Variants in ALG9 observed in about 807,000 individuals in gnomAD.
ALG9 encodes alpha-1,2-mannosyltransferase ALG9.
ALG9 carries 55 observed loss-of-function variants against 81.8 expected under a neutral mutation model. That is an observed-to-expected ratio of 0.67 (90% CI 0.54 to 0.84). The LOEUF is 0.84. Among genes scored for constraint, ALG9 ranks in the 40% least tolerant of loss-of-function variants. ALG9 has a pLI of 0.00. For missense variants in ALG9, 629 were observed against 745.0 expected (o/e 0.84, Z 1.81); for synonymous variants, 278 against 274.3 (o/e 1.01, Z -0.13).
At chr11:111,793,789 G>A (rs1445666992) in intron 14 of ALG9, among the ~76,000 whole-genome samples, 2 of 150,942 alleles carry the variant, frequency 1.3e-5, no homozygotes, top group East Asian at 3.9e-4. Flanking sequence ...GGAAAGAGCA[G>A]TTGTGCACTG....
intron 13 of ALG9, among the ~76,000 whole-genome samples, chr11:111,825,094 T>C (rs181654021): frequency 0.013 from 2,048 of 152,308 alleles, 21 homozygotes; most frequent in Non-Finnish European, 0.021. Context: ...CAGGTGCTTG[T>C]AACCTGGTAC....
At chr11:111,789,619 G>GGTC (rs1555068561) in intron 14 of ALG9, among the ~76,000 whole-genome samples, 1 of 151,690 alleles carries the variant, frequency 6.6e-6, no homozygotes, top group African/African-American at 2.4e-5. Context: ...AGGCCACCGA[G>GGTC]GTCAGGAGTT....
intron 8 of ALG9, among the ~76,000 whole-genome samples, chr11:111,850,059 C>G (rs1165301848): frequency 2.0e-5 from 3 of 152,046 alleles, no homozygotes; most frequent in Non-Finnish European, 4.4e-5. Flanking sequence ...TAGTAAAATA[C>G]AAGTCTTTTA....
At chr11:111,818,261 A>G (rs1355839449) in intron 13 of ALG9, among the ~76,000 whole-genome samples, 3 of 152,236 alleles carry the variant, frequency 2.0e-5, no homozygotes, top group Non-Finnish European at 4.4e-5. Context: ...CGAGGGAGAC[A>G]GGTTTTGAGA....
chr11:111,863,619 T>A (rs1961157090), intron 4 of ALG9, among the ~76,000 whole-genome samples: 1 of 152,198 alleles, frequency 6.6e-6, no homozygotes, highest in African/African-American at 2.4e-5. Context: ...AATATATTAC[T>A]AAAGCATTAT....
intron 8 of ALG9, among the ~76,000 whole-genome samples, chr11:111,850,606 C>T (rs1042211174): frequency 1.6e-4 from 24 of 147,152 alleles, no homozygotes; most frequent in African/African-American, 3.0e-4. Context: ...ACTAGGGAGG[C>T]TGAGGCAGGC....
chr11:111,816,717 T>C (rs1951535576), intron 13 of ALG9, among the ~76,000 whole-genome samples: 2 of 152,172 alleles, frequency 1.3e-5, no homozygotes, highest in African/African-American at 4.8e-5. Context: ...CCACCATGCC[T>C]GGCTAATTTT....
At position 111,783,937 on chromosome 11, in the gene ALG9, AAAC is replaced by A. The variant is rs1946196869; in HGVS notation, c.*2457_*2459del. Reference sequence around the variant, plus strand: ...GTTTTGTTTTTTTAAAAAAAAAAAAAAACAAGATGACAAAACAGATAAAACAGC... The same window carrying A: ...GTTTTGTTTTTTTAAAAAAAAAAAAAAAGATGACAAAACAGATAAAACAGC... On this transcript the variant is annotated 3_prime_UTR_variant, in exon 15 of 15. Transcript: ENST00000616540. 1 of 139,736 alleles carries A rather than the reference AAAC, an allele frequency of 7.2e-6. No homozygotes were observed. The highest frequency in any genetic ancestry group is 1.6e-5 in the Non-Finnish European group (1 of 62,536). 8.7% of individuals were successfully genotyped at this position (139,736 alleles called of 1,614,324 possible).
In ALG9 at chr11:111,783,939, AC is replaced by A. The variant is rs58531246; in HGVS notation, c.*2457del. ...TTTGTTTTTTTAAAAAAAAAAAAAAACAAGATGACAAAACAGATAAAACAGC... is the reference window on the plus strand; with the variant it reads ...TTTGTTTTTTTAAAAAAAAAAAAAAAAAGATGACAAAACAGATAAAACAGC... On this transcript the variant is annotated 3_prime_UTR_variant, in exon 15 of 15. Coordinates refer to ENST00000616540, the MANE Select transcript of ALG9 (RefSeq NM_024740.2). 3 of 138,954 alleles carry A rather than the reference AC, an allele frequency of 2.2e-5. No individual in the cohort carries two copies. Among genetic ancestry groups the A allele is most frequent in the African/African-American group, 7.7e-5 (3 of 38,968 alleles). 8.6% of individuals were successfully genotyped at this position (138,954 alleles called of 1,614,324 possible). A position where few individuals can be genotyped will look rare whatever the true frequency, so the allele number is the denominator to read the frequency against.
chr11:111,813,461 G>A (rs1951030926), intron 13 of ALG9, among the ~76,000 whole-genome samples: 1 of 152,124 alleles, frequency 6.6e-6, no homozygotes, highest in Non-Finnish European at 1.5e-5. Flanking sequence ...AATTAGCTGG[G>A]CATGGTGGTG....
At chr11:111,865,284 C>T (rs1961968257) in intron 3 of ALG9, 33 bp from the exon 4 acceptor site, 2 of 1,507,756 alleles carry the variant, frequency 1.3e-6, no homozygotes, top group Non-Finnish European at 1.8e-6. Context: ...AAACAGAAGT[C>T]ACAGATATGA....
intron 8 of ALG9, among the ~76,000 whole-genome samples, chr11:111,850,415 T>C (rs1204301500): frequency 6.6e-6 from 1 of 151,956 alleles, no homozygotes; most frequent in Non-Finnish European, 1.5e-5. Context: ...TCTCAAAGAA[T>C]GGAAATCAGG....
downstream of ALG9, among the ~76,000 whole-genome samples, chr11:111,780,992 A>G (rs1430204924): frequency 1.3e-5 from 2 of 152,212 alleles, no homozygotes; most frequent in Non-Finnish European, 2.9e-5. Flanking sequence ...ATGTAATCAA[A>G]GAGTCTGAAG....
chr11:111,851,300 G>A (rs1398390786), intron 8 of ALG9, among the ~76,000 whole-genome samples: 3 of 151,988 alleles, frequency 2.0e-5, no homozygotes, highest in South Asian at 2.1e-4. Context: ...CCAACATGTC[G>A]AAACCCCGTC....
At chr11:111,834,380 AGAAG>A (rs1954879428) in intron 13 of ALG9, among the ~76,000 whole-genome samples, 1 of 152,212 alleles carries the variant, frequency 6.6e-6, no homozygotes, top group African/African-American at 2.4e-5. Context: ...AACAATAAAA[AGAAG>A]GAAGGGGAGA....
At chr11:111,810,182 CT>C (rs1399226867) in intron 13 of ALG9, among the ~76,000 whole-genome samples, 141 of 152,270 alleles carry the variant, frequency 9.3e-4, no homozygotes, top group African/African-American at 3.2e-3. Flanking sequence ...GAAGGCCTGC[CT>C]CTCCTCACAG....
At chr11:111,829,523 A>G (rs1953969912) in intron 13 of ALG9, among the ~76,000 whole-genome samples, 1 of 152,354 alleles carries the variant, frequency 6.6e-6, no homozygotes, top group East Asian at 1.9e-4. Flanking sequence ...ATCCATCATC[A>G]ATATCACATT....
At chr11:111,871,055 C>A in intron 1 of ALG9, 1 of 1,142,560 alleles carries the variant, frequency 8.8e-7, no homozygotes, top group South Asian at 3.8e-5. Flanking sequence ...AAGGTATACT[C>A]TTTGATCCTG....
the ALG9 span, chr11:111,770,916 A>C: frequency 6.6e-6 from 1 of 152,236 alleles, no homozygotes; most frequent in Non-Finnish European, 1.5e-5. Flanking sequence ...TTGAGGATTT[A>C]AGGCAGCCCT....
Sources: allele counts gnomAD v4.1 joint callset (sites outside exome capture counted in the v4.1 genomes callset), GRCh38; gene constraint gnomAD v4.1.1; transcripts MANE v1.5; gene names NCBI Gene and HGNC (gene_info 2026-07-23, HGNC 2026-07-21).